The following SAP30BP variants were observed in gnomAD, a reference collection of about 807,000 sequenced individuals.
SAP30BP encodes SAP30 binding protein, also known as SAP30-binding protein.
In SAP30BP, 31 loss-of-function variants were observed where a neutral mutation model predicts 46.3. The observed-to-expected ratio is 0.67, with a 90% CI of 0.50 to 0.90. The LOEUF is 0.90. SAP30BP is among the 40% of genes least tolerant of loss of function. SAP30BP has a pLI of 0.00. For synonymous variants in SAP30BP, 169 were observed against 144.2 expected, an observed-to-expected ratio of 1.17 and a Z score of -1.23; for missense variants, 312 against 391.0, an observed-to-expected ratio of 0.80 and a Z score of 1.70.
intron 4 of SAP30BP, among the ~76,000 whole-genome samples, chr17:75,696,600 T>G (rs1410802291): frequency 1.3e-5 from 2 of 151,502 alleles, no homozygotes; most frequent in Non-Finnish European, 2.9e-5. Context: ...TCTTCCACAT[T>G]AGATTCATTC....
At chr17:75,685,707 A>AC (rs1220961446) in intron 3 of SAP30BP, among the ~76,000 whole-genome samples, 2 of 151,568 alleles carry the variant, frequency 1.3e-5, no homozygotes, top group Non-Finnish European at 2.9e-5. Context: ...GCTCCCCCCA[A>AC]CCCCCCAAAT....
intron 3 of SAP30BP, among the ~76,000 whole-genome samples, chr17:75,672,726 G>A (rs564073193): frequency 2.6e-5 from 4 of 152,286 alleles, no homozygotes; most frequent in African/African-American, 9.6e-5. Flanking sequence ...GGAGGCTGAG[G>A]CGGGAGGATC....
In SAP30BP at chr17:75,702,389, G is replaced by A. The variant is rs138928586; in HGVS notation, c.397-91G>A. 6.6e-4 allele frequency: 381 copies of A among 580,670 alleles called. 1 individual carries two copies. The highest frequency in any genetic ancestry group is 6.4e-3 in the African/African-American group (339 of 53,142). 36.0% of individuals were successfully genotyped at this position (580,670 alleles called of 1,614,324 possible). On this transcript the variant is annotated intron_variant, in intron 5 of 10. Transcript: ENST00000584667. ...TGCCTGACTGGAGCCTCATGTTCAT[G>A]CTGCACATGTAGCTGGTGACCAGGG... is the stretch of plus-strand genomic sequence containing the variant.
chr17:75,698,442 A>G (rs1189190618), intron 4 of SAP30BP, among the ~76,000 whole-genome samples: 1 of 151,870 alleles, frequency 6.6e-6, no homozygotes, highest in East Asian at 1.9e-4. Context: ...TCAGCCTTAG[A>G]CGAGACGGGT....
intron 3 of SAP30BP, among the ~76,000 whole-genome samples, chr17:75,682,805 A>G (rs2060100047): frequency 6.6e-6 from 1 of 151,396 alleles, no homozygotes; most frequent in African/African-American, 2.4e-5. Context: ...TCTACTAAAA[A>G]TACAAAAATT....
chr17:75,689,707 C>A (rs1027896579), intron 3 of SAP30BP, among the ~76,000 whole-genome samples: 4 of 152,114 alleles, frequency 2.6e-5, no homozygotes, highest in African/African-American at 9.7e-5. Flanking sequence ...ACAGGTGTTT[C>A]CTGTGCATTT....
chr17:75,679,032 C>T (rs1447312612), intron 3 of SAP30BP, among the ~76,000 whole-genome samples: 4 of 136,590 alleles, frequency 2.9e-5, no homozygotes, highest in South Asian at 2.3e-4. Context: ...CTCGTTCTGT[C>T]GCCCAGGCTG....
intron 3 of SAP30BP, among the ~76,000 whole-genome samples, chr17:75,680,687 G>A (rs1026309248): frequency 2.6e-5 from 4 of 152,146 alleles, no homozygotes. Flanking sequence ...ACGATTTCTC[G>A]GCTCACTGCC....
rs820232 is a variant in SAP30BP, at chr17:75,702,477, C to T, written c.397-3C>T. ...CCCCCACCCCCTCTGCTCCTCTTCACAGGACAAGATCCAGAAGCTTTATGA... is the reference window on the plus strand; with the variant it reads ...CCCCCACCCCCTCTGCTCCTCTTCATAGGACAAGATCCAGAAGCTTTATGA... On this transcript the variant is annotated splice_polypyrimidine_tract_variant and splice_region_variant and intron_variant, in intron 5 of 10. Transcript: ENST00000584667. 1 allele frequency: 1,466,021 copies of T among 1,471,738 alleles called. 730,353 individuals are homozygous for T. The highest frequency in any genetic ancestry group is 1 in the East Asian group (43,436 of 43,436). 91.2% of individuals were successfully genotyped at this position (1,471,738 alleles called of 1,614,324 possible).
At chr17:75,686,173 C>T (rs556710805) in intron 3 of SAP30BP, among the ~76,000 whole-genome samples, 9 of 152,312 alleles carry the variant, frequency 5.9e-5, no homozygotes, top group Admixed American at 3.9e-4. Context: ...ATTCTATAGC[C>T]GGCTTAATAA....
intron 3 of SAP30BP, chr17:75,684,503 G>A (rs1232787179): frequency 1.3e-5 from 2 of 152,238 alleles, no homozygotes; most frequent in Admixed American, 6.5e-5. Flanking sequence ...ACCATTGCTG[G>A]TTTGTGAGCC....
intron 4 of SAP30BP, among the ~76,000 whole-genome samples, chr17:75,695,425 T>C (rs2060302510): frequency 6.6e-6 from 1 of 152,208 alleles, no homozygotes; most frequent in African/African-American, 2.4e-5. Context: ...GCAAGACTCA[T>C]CCATGTAGTT....
chr17:75,684,319 C>CA (rs1428736813), intron 3 of SAP30BP: 2 of 152,206 alleles, frequency 1.3e-5, no homozygotes, highest in African/African-American at 4.8e-5. Context: ...TTTAGGGTGT[C>CA]ATGTGGGGTG....
chr17:75,695,051 G>A (rs1056383777), intron 4 of SAP30BP, among the ~76,000 whole-genome samples: 1 of 152,124 alleles, frequency 6.6e-6, no homozygotes, highest in East Asian at 1.9e-4. Flanking sequence ...TGCCCCGACC[G>A]TGTTACAGGT....
intron 3 of SAP30BP, among the ~76,000 whole-genome samples, chr17:75,687,327 G>A (rs1276400226): frequency 6.6e-6 from 1 of 152,136 alleles, no homozygotes; most frequent in African/African-American, 2.4e-5. Flanking sequence ...TCGGAAAGAG[G>A]ATGCAGGGCC....
intron 7 of SAP30BP, 167 bp downstream of exon 7, chr17:75,703,538 A>C (rs934295211): frequency 6.0e-6 from 4 of 664,334 alleles, no homozygotes; most frequent in Non-Finnish European, 1.0e-5. Context: ...GAAATAGTCC[A>C]ATAAAGAGAT....
chr17:75,706,620 C>T lies in SAP30BP; in HGVS notation c.*99C>T. ...GTATATTTCAGGACTGGGACCTACT[C>T]CCCAGATGCCACCTGAGAGGAGCTT... On this transcript the variant is annotated 3_prime_UTR_variant, in exon 11 of 11. Coordinates refer to ENST00000584667, the MANE Select transcript of SAP30BP (RefSeq NM_013260.8). The surrounding 1 kb of genome is among the most constrained non-coding windows in gnomAD (Gnocchi z 4.6). The T allele has an allele frequency of 9.1e-7, 1 of 1,100,500 alleles. No individual in the cohort carries two copies. The highest frequency in any genetic ancestry group is 1.6e-5 in the African/African-American group (1 of 63,852). The allele number at this position is 1,100,500 out of a possible 1,614,324, so 68.2% of individuals were successfully genotyped here. A position where few individuals can be genotyped will look rare whatever the true frequency, so the allele number is the denominator to read the frequency against.
At position 75,706,274 on chromosome 17, in the gene SAP30BP, A is replaced by G; in HGVS notation, c.746-66A>G. 1 of 1,564,418 alleles carries G rather than the reference A, an allele frequency of 6.4e-7. No homozygotes were observed. Among genetic ancestry groups the G allele is most frequent in the Non-Finnish European group, 8.7e-7 (1 of 1,147,954 alleles). On this transcript the variant is annotated intron_variant, in intron 10 of 10. Transcript: ENST00000584667. The surrounding 1 kb of genome is among the most constrained non-coding windows in gnomAD (Gnocchi z 4.6). ...GCTCCCTAGACTCCCGCTGGCCTGC[A>G]GGGGGAAGGGAAAGAGGGCACCGCT...
chr17:75,676,923 G>A (rs1286816338), intron 3 of SAP30BP, among the ~76,000 whole-genome samples: 4 of 152,070 alleles, frequency 2.6e-5, no homozygotes, highest in African/African-American at 9.7e-5. Context: ...ATCTTGGAAC[G>A]TATACCCCAC....
Sources: allele counts gnomAD v4.1 joint callset (sites outside exome capture counted in the v4.1 genomes callset), GRCh38; gene constraint gnomAD v4.1.1; non-coding constraint Gnocchi (gnomAD v3.1); transcripts MANE v1.5; gene names NCBI Gene and HGNC (gene_info 2026-07-23, HGNC 2026-07-21).